BRPF3: variants seen among roughly 807,000 people sequenced by gnomAD.
The protein encoded by BRPF3 is bromodomain and PHD finger-containing protein 3.
Under a neutral mutation model 102.0 loss-of-function variants are expected in BRPF3, and 18 were observed. That is an observed-to-expected ratio of 0.18 (90% CI 0.12 to 0.26). The LOEUF (loss-of-function observed/expected upper bound fraction) is 0.26, where lower values mean the gene tolerates loss of function less well. BRPF3 is among the 10% of genes least tolerant of loss of function. BRPF3 has a pLI of 1.00. For missense variants in BRPF3, 1,147 were observed against 1,567.8 expected, an observed-to-expected ratio of 0.73 and a Z score of 4.53; for synonymous variants, 570 against 614.2, an observed-to-expected ratio of 0.93 and a Z score of 1.06.
rs200192995 is a variant in BRPF3, at chr6:36,201,770, G to C, written c.1448G>C (p.Arg483Thr). ...MLAVPQIPSY[R>T]LNKICSGLSF... is the part of the protein sequence containing the mutation. The stretch of plus-strand genomic sequence containing the variant: ...GCTGTCCCACAGATACCCTCTTACA[G>C]GTAAGCATGCCCAGAAGGGCTCCTT... Residue 483 changes from arginine to threonine, a missense_variant and splice_region_variant, in exon 2 of 13, where the codon AGG becomes ACG. Coordinates refer to ENST00000357641, the MANE Select transcript of BRPF3 (RefSeq NM_015695.3). The surrounding 1 kb of genome is among the most constrained non-coding windows in gnomAD (Gnocchi z 5.1). 1.9e-6 allele frequency: 3 copies of C among 1,594,234 alleles called. No homozygotes were observed. The African/African-American group carries it at 4.0e-5, about 21-fold the overall frequency.
In BRPF3 at chr6:36,210,432, C is replaced by A. The variant is rs765890846; in HGVS notation, c.2083C>A (p.Arg695=). 6.2e-7 allele frequency: 1 copy of A among 1,612,928 alleles called. No individual in the cohort carries two copies. Residue 695 remains arginine (R), a synonymous_variant, in exon 6 of 13, where the codon CGG becomes AGG. Coordinates refer to ENST00000357641, the MANE Select transcript of BRPF3 (RefSeq NM_015695.3). This position sits in a 1 kb window ranked among gnomAD's most constrained non-coding sequence, Gnocchi z 4.7. ...LGGAILRHAR[R]QAENIGYDPE... is the part of the protein sequence containing the mutation. ...AGGGGCCATCCTACGGCACGCCCGGCGGCAGGCAGAGAACATCGGCTATGA... is the reference window on the plus strand; with the variant it reads ...AGGGGCCATCCTACGGCACGCCCGGAGGCAGGCAGAGAACATCGGCTATGA...
Position 36,200,046 on chromosome 6 carries a change from A to G in BRPF3, c.-26-251A>G, listed in dbSNP as rs1300232209. 6.6e-6 allele frequency among the ~76,000 whole-genome samples: 1 copy of G among 152,240 alleles called. No individual in the cohort carries two copies. Among genetic ancestry groups the G allele is most frequent in the African/African-American group, 2.4e-5 (1 of 41,462 alleles). On this transcript the variant is annotated intron_variant, in intron 1 of 12. Transcript: ENST00000357641. This position sits in a 1 kb window ranked among gnomAD's most constrained non-coding sequence, Gnocchi z 5.3. ...AAAAATAAAGCAGAATGAAAGGTAG[A>G]TTGCTGGTGGAGGAAAAGGATTTGC...
chr6:36,221,281 CTTTTTTT>C (rs35018880), intron 9 of BRPF3, among the ~76,000 whole-genome samples: 3 of 76,706 alleles, frequency 3.9e-5, no homozygotes, highest in African/African-American at 4.8e-5. Flanking sequence ...AATTGGTCTA[CTTTTTTT>C]TTTTTTTTTT....
At chr6:36,222,332 C>A in intron 10 of BRPF3, 67 bp downstream of exon 10, 1 of 1,435,184 alleles carries the variant, frequency 7.0e-7, no homozygotes, top group Non-Finnish European at 9.6e-7. Flanking sequence ...CTTCAGGCTG[C>A]TGCACTGCTG....
chr6:36,200,490 C>T lies in BRPF3; in HGVS notation c.168C>T (p.Asp56=). Residue 56 remains aspartate (D), a synonymous_variant, in exon 2 of 13, where the codon GAC becomes GAT. Coordinates refer to ENST00000357641, the MANE Select transcript of BRPF3 (RefSeq NM_015695.3). This position sits in a 1 kb window ranked among gnomAD's most constrained non-coding sequence, Gnocchi z 5.3. ...GCCTGCATCGTATCAGCATCTATGA[C>T]CCACTCAAAATCATTACTGAAGATG... ...DGRLHRISIY[D]PLKIITEDEL... is the part of the protein sequence containing the mutation. The T allele has an allele frequency of 6.2e-7, 1 of 1,614,220 alleles. No homozygotes were observed. The highest frequency in any genetic ancestry group is 8.5e-7 in the Non-Finnish European group (1 of 1,180,036).
chr6:36,201,713 G>A lies in BRPF3; in HGVS notation c.1391G>A (p.Gly464Asp). Residue 464 changes from glycine to aspartate, a missense_variant, in exon 2 of 13, where the codon GGC becomes GAC. Around this residue, in one of 11 missense-constraint regions of BRPF3, gnomAD observed 157 missense variants for 163.6 expected, o/e 0.96. Coordinates refer to ENST00000357641, the MANE Select transcript of BRPF3 (RefSeq NM_015695.3). The surrounding 1 kb of genome is among the most constrained non-coding windows in gnomAD (Gnocchi z 5.1). ...QKIKKEPEEA[G>D]QDTPSTLPML... ...ATCAAGAAGGAGCCAGAGGAAGCAGGCCAAGACACACCCTCCACTCTCCCC... is the reference window on the plus strand; with the variant it reads ...ATCAAGAAGGAGCCAGAGGAAGCAGACCAAGACACACCCTCCACTCTCCCC... 1.2e-6 allele frequency: 2 copies of A among 1,613,844 alleles called. No homozygotes were observed. Among genetic ancestry groups the A allele is most frequent in the Non-Finnish European group, 1.7e-6 (2 of 1,179,850 alleles).
chr6:36,209,732 C>T (rs1386577332), intron 4 of BRPF3, 55 bp from the exon 5 acceptor site: 2 of 1,563,434 alleles, frequency 1.3e-6, no homozygotes, highest in Non-Finnish European at 8.6e-7. Flanking sequence ...GAAAAAGTTT[C>T]AGTACATCTT....
chr6:36,230,954 T>C lies in BRPF3; in HGVS notation c.*345T>C. 1 of 250,152 alleles carries C rather than the reference T, an allele frequency of 4.0e-6. No homozygotes were observed. The highest frequency in any genetic ancestry group is 7.8e-6 in the Non-Finnish European group (1 of 127,574). The allele number at this position is 250,152 out of a possible 1,614,324, so 15.5% of individuals were successfully genotyped here. A position where few individuals can be genotyped will look rare whatever the true frequency, so the allele number is the denominator to read the frequency against. On this transcript the variant is annotated 3_prime_UTR_variant, in exon 13 of 13. Transcript: ENST00000357641. The surrounding 1 kb of genome is among the most constrained non-coding windows in gnomAD (Gnocchi z 5.4). ...CTTCTTGAGGGGCTGCCTGGCCCGC[T>C]CCATCCTACTCCCACTAACTACACC...
intron 7 of BRPF3, among the ~76,000 whole-genome samples, chr6:36,211,847 G>A (rs977831005): frequency 1.3e-5 from 2 of 152,208 alleles, no homozygotes; most frequent in African/African-American, 4.8e-5. Flanking sequence ...ATTGTGGGGA[G>A]TTTCAGGTGC....
intron 9 of BRPF3, among the ~76,000 whole-genome samples, 156 bp from the exon 10 acceptor site, chr6:36,222,012 G>A (rs867794064): frequency 2.6e-5 from 4 of 151,624 alleles, no homozygotes; most frequent in Middle Eastern, 3.4e-3. Context: ...AAAAACATGG[G>A]TTAGTGTGAG....
At position 36,196,911 on chromosome 6, in the gene BRPF3, C is replaced by G. The variant is rs1767510248; in HGVS notation, c.-86C>G. 2 of 151,490 alleles carry G rather than the reference C, an allele frequency of 1.3e-5. No homozygotes were observed. The highest frequency in any genetic ancestry group is 3.0e-5 in the Non-Finnish European group (2 of 67,770). The allele number at this position is 151,490 out of a possible 1,614,324, so 9.4% of individuals were successfully genotyped here. On this transcript the variant is annotated 5_prime_UTR_variant, in exon 1 of 13. Coordinates refer to ENST00000357641, the MANE Select transcript of BRPF3 (RefSeq NM_015695.3). The stretch of plus-strand genomic sequence containing the variant: ...GCTTCCCGGGCCGCGCCGACCTGCT[C>G]GGCGGCCTGCCCGCCCGCGCCCAGG...
At chr6:36,199,591 C>G (rs1767623648) in intron 1 of BRPF3, among the ~76,000 whole-genome samples, 1 of 152,214 alleles carries the variant, frequency 6.6e-6, no homozygotes, top group Non-Finnish European at 1.5e-5. Context: ...ACTTTTGATC[C>G]TCTGATGGGG....
rs1163354501 is a variant in BRPF3, at chr6:36,217,935, G to A, written c.3008G>A (p.Gly1003Glu). 1.1e-5 allele frequency: 18 copies of A among 1,613,444 alleles called. No homozygotes were observed. The highest frequency in any genetic ancestry group is 2.2e-5 in the East Asian group (1 of 44,806). Residue 1003 changes from glycine to glutamate, a missense_variant, in exon 9 of 13, where the codon GGA becomes GAA. Coordinates refer to ENST00000357641, the MANE Select transcript of BRPF3 (RefSeq NM_015695.3). Reference protein sequence around the residue: ...EEETGMTNGFGKHTESGSDSE... With the variant: ...EEETGMTNGFEKHTESGSDSE... ...TTGGCAGGCATGACCAACGGCTTTG[G>A]AAAACACACCGAAAGCGGGTCTGAC...
At chr6:36,224,491 G>A (rs181737569) in intron 10 of BRPF3, among the ~76,000 whole-genome samples, 1 of 152,368 alleles carries the variant, frequency 6.6e-6, no homozygotes, top group East Asian at 1.9e-4. Flanking sequence ...GAAGGCATGT[G>A]AAGGACTTGC....
Position 36,232,076 on chromosome 6 carries a change from C to T in BRPF3, c.*1467C>T, listed in dbSNP as rs1412407130. ...TTGACTTTTTAAAAATACAACCAAC[C>T]AACCACCACAACTTCTTATACATTT... On this transcript the variant is annotated 3_prime_UTR_variant, in exon 13 of 13. Transcript: ENST00000357641. The T allele has an allele frequency of 2.0e-5, 3 of 152,614 alleles. No individual in the cohort carries two copies. The South Asian group carries it at 6.2e-4, about 32-fold the overall frequency. 9.5% of individuals were successfully genotyped at this position (152,614 alleles called of 1,614,324 possible).
chr6:36,225,047 A>G (rs1344666895), intron 10 of BRPF3, among the ~76,000 whole-genome samples: 2 of 152,222 alleles, frequency 1.3e-5, no homozygotes, highest in Non-Finnish European at 2.9e-5. Flanking sequence ...CGTGTTGCCC[A>G]CAGAAGCTAA....
chr6:36,200,301 G>T lies in BRPF3; in HGVS notation c.-22G>T, dbSNP rs1767646366. On this transcript the variant is annotated 5_prime_UTR_variant, in exon 2 of 13. Coordinates refer to ENST00000357641, the MANE Select transcript of BRPF3 (RefSeq NM_015695.3). The surrounding 1 kb of genome is among the most constrained non-coding windows in gnomAD (Gnocchi z 5.3). ...CTCCTGGCCTTCTCTCCTTAGGCCT[G>T]TCCCCTCAGTTCCCAGGTGCCATGA... 6.2e-7 allele frequency: 1 copy of T among 1,605,612 alleles called. No individual in the cohort carries two copies. The highest frequency in any genetic ancestry group is 8.5e-7 in the Non-Finnish European group (1 of 1,175,730).
chr6:36,220,848 T>A (rs925890086), intron 9 of BRPF3, among the ~76,000 whole-genome samples: 1 of 152,172 alleles, frequency 6.6e-6, no homozygotes, highest in Non-Finnish European at 1.5e-5. Context: ...TTAAGCAAAG[T>A]TTTCTTAGCA....
intron 3 of BRPF3, among the ~76,000 whole-genome samples, chr6:36,205,238 A>G (rs1197213811): frequency 1.3e-5 from 2 of 152,274 alleles, no homozygotes; most frequent in Admixed American, 1.3e-4. Flanking sequence ...GTTGTAGCAC[A>G]CAGCCTGTCC....
Sources: allele counts gnomAD v4.1 joint callset (sites outside exome capture counted in the v4.1 genomes callset), GRCh38; gene constraint gnomAD v4.1.1; regional missense constraint gnomAD v4.1.1; non-coding constraint Gnocchi (gnomAD v3.1); transcripts MANE v1.5; gene names NCBI Gene and HGNC (gene_info 2026-07-23, HGNC 2026-07-21).